Variants in SLC9A3 observed in about 807,000 individuals in gnomAD.
SLC9A3 encodes sodium/hydrogen exchanger 3.
In SLC9A3, 37 loss-of-function variants were observed where a neutral mutation model predicts 86.8. That is an observed-to-expected ratio of 0.43 (90% CI 0.33 to 0.56). The LOEUF (loss-of-function observed/expected upper bound fraction) is 0.56, where lower values mean the gene tolerates loss of function less well. Among genes scored for constraint, SLC9A3 ranks in the 20% least tolerant of loss-of-function variants. The pLI, the probability that SLC9A3 is intolerant of heterozygous loss-of-function variation, is 0.06. For synonymous variants in SLC9A3, 581 were observed against 528.3 expected (o/e 1.10, Z -1.37); for missense variants, 1,011 against 1,171.9 (o/e 0.86, Z 2.00).
chr5:488,444 G>A lies in SLC9A3; in HGVS notation c.547C>T (p.Leu183=), dbSNP rs773417118. 7.5e-6 allele frequency: 12 copies of A among 1,591,760 alleles called. No individual in the cohort carries two copies. The highest frequency in any genetic ancestry group is 1.0e-5 in the Non-Finnish European group (12 of 1,166,348). ...DLQIGLLDFL[L]FGSLMAAVDP... ...ACAGCCGCCATGAGGCTGCCAAACA[G>A]GAGGAAGTCCAGCAGCCCAATCTGC... Residue 183 remains leucine (L), a synonymous_variant, in exon 3 of 17, where the codon CTG becomes TTG. Transcript: ENST00000264938.
intron 1 of SLC9A3, among the ~76,000 whole-genome samples, chr5:506,856 A>T (rs937995883): frequency 4.6e-5 from 7 of 151,226 alleles, no homozygotes; most frequent in Non-Finnish European, 8.8e-5. Flanking sequence ...TCACAAGGTC[A>T]TGAGATCGAG....
rs146536237 is a variant in SLC9A3 at position 482,560 on chromosome 5, G to A, written c.1344C>T (p.Thr448=). Residue 448 remains threonine, a synonymous_variant, in exon 7 of 17, where the codon ACC becomes ACT. Transcript: ENST00000264938. ...VSTTIIVVFF[T]VIFQGLTIKP... ...GGCTGGGCCTCACCTGGAAGATGAC[G>A]GTGAAGAACACTACGATGATGGTGG... The A allele has an allele frequency of 1.4e-5, 23 of 1,611,022 alleles. No homozygotes were observed. Among genetic ancestry groups the A allele is most frequent in the Admixed American group, 1.3e-4 (8 of 59,976 alleles).
At chr5:473,893 C>G (rs994185898) in intron 16 of SLC9A3, among the ~76,000 whole-genome samples, 4 of 152,266 alleles carry the variant, frequency 2.6e-5, no homozygotes, top group African/African-American at 7.2e-5. Context: ...CTGGCTTCCC[C>G]CAGCCCTGCT....
At chr5:523,604 T>TA (rs1280162903) in intron 1 of SLC9A3, among the ~76,000 whole-genome samples, 6,742 of 108,182 alleles carry the variant, frequency 0.062, 216 homozygotes, top group African/African-American at 0.093. Flanking sequence ...CGGGATTTTC[T>TA]AAAAAAAAAA....
At chr5:484,805 G>A in intron 4 of SLC9A3, 108 bp from the exon 5 acceptor site, 1 of 1,029,142 alleles carries the variant, frequency 9.7e-7, no homozygotes, top group Non-Finnish European at 1.4e-6. Flanking sequence ...AACGGGGGTG[G>A]ATCCCTCACT....
intron 15 of SLC9A3, 191 bp downstream of exon 15, chr5:475,370 C>T (rs1259892223): frequency 4.9e-6 from 3 of 616,054 alleles, no homozygotes; most frequent in Non-Finnish European, 8.5e-6. Flanking sequence ...CTGCCCGGCC[C>T]ACGTCTCCCC....
chr5:473,308 C>A lies in SLC9A3; in HGVS notation c.*71G>T. On this transcript the variant is annotated 3_prime_UTR_variant, in exon 17 of 17. Transcript: ENST00000264938. ...GCGGGGATCTGGGGTTTCTCTGGGA[C>A]AGCGGCGGCGGCGGTGGGCGGACCG... 7.3e-7 allele frequency: 1 copy of A among 1,368,940 alleles called. No individual in the cohort carries two copies. Among genetic ancestry groups the A allele is most frequent in the Non-Finnish European group, 9.5e-7 (1 of 1,057,054 alleles). 84.8% of individuals were successfully genotyped at this position (1,368,940 alleles called of 1,614,324 possible). A position where few individuals can be genotyped will look rare whatever the true frequency, so the allele number is the denominator to read the frequency against.
chr5:487,716 G>A (rs997571114), intron 3 of SLC9A3, among the ~76,000 whole-genome samples: 3 of 152,246 alleles, frequency 2.0e-5, no homozygotes, highest in African/African-American at 7.2e-5. Flanking sequence ...CACCCAGGCT[G>A]GAGTGCGATG....
At chr5:477,476 TG>T (rs1464597726) in intron 10 of SLC9A3, 32 bp from the exon 11 acceptor site, 2 of 1,527,642 alleles carry the variant, frequency 1.3e-6, no homozygotes, top group Admixed American at 3.5e-5. Flanking sequence ...GTCAGTGGCC[TG>T]AGCAGCCAAG....
intron 1 of SLC9A3, among the ~76,000 whole-genome samples, chr5:521,309 G>A (rs1372026344): frequency 6.6e-6 from 1 of 152,240 alleles, no homozygotes. Context: ...CACCTGCTGA[G>A]GCCCCAGCCC....
Position 485,148 on chromosome 5 carries a change from C to T in SLC9A3, c.754+5G>A. On this transcript the variant is annotated splice_donor_5th_base_variant and intron_variant, in intron 4 of 16. Coordinates refer to ENST00000264938, the MANE Select transcript of SLC9A3 (RefSeq NM_004174.4). ...GCCCACTCCCCCTGACCCACAGCTA[C>T]ACACCTATGCCCTTCACGCAGTCCA... 6.2e-7 allele frequency: 1 copy of T among 1,611,056 alleles called. No homozygotes were observed. The highest frequency in any genetic ancestry group is 8.5e-7 in the Non-Finnish European group (1 of 1,177,298).
At chr5:476,972 A>T in intron 11 of SLC9A3, 1 of 526,976 alleles carries the variant, frequency 1.9e-6, no homozygotes, top group East Asian at 3.3e-5. Context: ...CAGCATCTGC[A>T]CATCTGGCAG....
At chr5:512,788 C>T (rs1263049168) in intron 1 of SLC9A3, among the ~76,000 whole-genome samples, 1 of 152,096 alleles carries the variant, frequency 6.6e-6, no homozygotes, top group Non-Finnish European at 1.5e-5. Context: ...AGGCAGAGAA[C>T]GTGCACGGTG....
intron 15 of SLC9A3, 66 bp from the exon 16 acceptor site, chr5:475,198 G>T (rs185193990): frequency 4.0e-6 from 6 of 1,493,552 alleles, no homozygotes; most frequent in East Asian, 2.3e-5. Flanking sequence ...AGACCTCGCC[G>T]GGGCCGTCAC....
In SLC9A3 at chr5:494,286, T is replaced by C. The variant is rs1739924542; in HGVS notation, c.212-2215A>G. 4.6e-5 allele frequency among the ~76,000 whole-genome samples: 7 copies of C among 152,198 alleles called. No individual in the cohort carries two copies. The South Asian group carries it at 6.2e-4, about 13-fold the overall frequency. On this transcript the variant is annotated intron_variant, in intron 1 of 16. Transcript: ENST00000264938. ...AGCCCAGCAGGAAAACAGGGGCCCC[T>C]CTTCTCTGGGCTCCACGGCCTGGTC...
chr5:494,784 C>CA (rs1739944636), intron 1 of SLC9A3, among the ~76,000 whole-genome samples: 1 of 152,204 alleles, frequency 6.6e-6, no homozygotes. Context: ...GAGTGCCTAG[C>CA]AAAGCCGGGC....
At position 471,474 on chromosome 5, in the gene SLC9A3, C is replaced by CCCA. The variant is rs1319426643; in HGVS notation, c.*1902_*1904dup. 1 of 336,448 alleles carries CCCA rather than the reference C, an allele frequency of 3.0e-6. No homozygotes were observed. Among genetic ancestry groups the CCCA allele is most frequent in the East Asian group, 7.8e-5 (1 of 12,882 alleles). 20.8% of individuals were successfully genotyped at this position (336,448 alleles called of 1,614,324 possible). A position where few individuals can be genotyped will look rare whatever the true frequency, so the allele number is the denominator to read the frequency against. ...TGCTCCTCTGGCCACCCGGAAACCT[C>CCCA]CCAGCAGTTCAGATGGGACAAACTG... On this transcript the variant is annotated 3_prime_UTR_variant, in exon 17 of 17. Coordinates refer to ENST00000264938, the MANE Select transcript of SLC9A3 (RefSeq NM_004174.4).
rs1369192916 is a variant in SLC9A3, at chr5:497,728, C to G, written c.212-5657G>C. ...CTGCCCCTGTCCTGGGTGGGGTCGC[C>G]CGGCCGCATCCCCAGCCTCTGCCCC... On this transcript the variant is annotated intron_variant, in intron 1 of 16. Coordinates refer to ENST00000264938, the MANE Select transcript of SLC9A3 (RefSeq NM_004174.4). The surrounding 1 kb of genome is among the most constrained non-coding windows in gnomAD (Gnocchi z 5.4). Among the ~76,000 whole-genome samples, 1 of 109,144 alleles carries G rather than the reference C, an allele frequency of 9.2e-6. No individual in the cohort carries two copies. The highest frequency in any genetic ancestry group is 3.7e-4 in the East Asian group (1 of 2,710). 71.6% of individuals were successfully genotyped at this position (109,144 alleles called of 152,430 possible). A position where few individuals can be genotyped will look rare whatever the true frequency, so the allele number is the denominator to read the frequency against.
intron 1 of SLC9A3, among the ~76,000 whole-genome samples, chr5:509,755 G>A (rs1232225432): frequency 6.6e-6 from 1 of 152,196 alleles, no homozygotes; most frequent in African/African-American, 2.4e-5. Context: ...GGTGCGGGGA[G>A]GGGGAGGAGG....
Sources: allele counts gnomAD v4.1 joint callset (sites outside exome capture counted in the v4.1 genomes callset), GRCh38; gene constraint gnomAD v4.1.1; non-coding constraint Gnocchi (gnomAD v3.1); transcripts MANE v1.5; gene names NCBI Gene and HGNC (gene_info 2026-07-23, HGNC 2026-07-21).